Variants in CLSTN2 observed in about 807,000 individuals in gnomAD.
The protein encoded by CLSTN2 is calsyntenin 2.
Under a neutral mutation model 101.2 loss-of-function variants are expected in CLSTN2, and 48 were observed. The observed-to-expected ratio is 0.47, with a 90% CI of 0.38 to 0.60. The LOEUF (loss-of-function observed/expected upper bound fraction) is 0.60, where lower values mean the gene tolerates loss of function less well. Ranked by LOEUF, CLSTN2 falls within the 20% of genes least tolerant of loss-of-function variation. The pLI, the probability that CLSTN2 is intolerant of heterozygous loss-of-function variation, is 0.00. For synonymous variants in CLSTN2, 481 were observed against 463.6 expected (o/e 1.04, Z -0.48); for missense variants, 1,160 against 1,238.2 (o/e 0.94, Z 0.95).
rs1013964198 is a variant in CLSTN2, at chr3:140,575,500, C to T, written c.*9247C>T. ...AACTAGTCATGATGAATCAATCCAA[C>T]TGACTGCATCCAGTCTGACCTCGGT... On this transcript the variant is annotated 3_prime_UTR_variant, in exon 17 of 17. Transcript: ENST00000458420. The T allele has an allele frequency of 1.3e-5, 2 of 152,170 alleles. No homozygotes were observed. Among genetic ancestry groups the T allele is most frequent in the Non-Finnish European group, 2.9e-5 (2 of 68,030 alleles). 9.4% of individuals were successfully genotyped at this position (152,170 alleles called of 1,614,324 possible).
intron 2 of CLSTN2, among the ~76,000 whole-genome samples, chr3:140,322,848 A>G (rs2087296901): frequency 6.6e-6 from 1 of 152,202 alleles, no homozygotes; most frequent in African/African-American, 2.4e-5. Context: ...GCCATGTGAA[A>G]TCCTGTTTCT....
At chr3:140,393,693 A>G (rs1055662854) in intron 2 of CLSTN2, among the ~76,000 whole-genome samples, 1 of 152,176 alleles carries the variant, frequency 6.6e-6, no homozygotes, top group Non-Finnish European at 1.5e-5. Flanking sequence ...GGTAATGATC[A>G]TGGAGGGGTC....
intron 16 of CLSTN2, among the ~76,000 whole-genome samples, chr3:140,565,419 T>C (rs1936006956): frequency 6.6e-6 from 1 of 151,374 alleles, no homozygotes; most frequent in African/African-American, 2.4e-5. Context: ...AATCCAGAAA[T>C]GAAATTTTGC....
intron 1 of CLSTN2, among the ~76,000 whole-genome samples, chr3:139,987,926 G>GAC (rs1936054755): frequency 6.6e-6 from 1 of 152,202 alleles, no homozygotes; most frequent in Non-Finnish European, 1.5e-5. Flanking sequence ...ACAGTGACGA[G>GAC]ACAAGACAAG....
intron 2 of CLSTN2, among the ~76,000 whole-genome samples, chr3:140,205,080 C>T (rs2010763721): frequency 6.6e-6 from 1 of 152,090 alleles, no homozygotes; most frequent in African/African-American, 2.4e-5. Context: ...TAAGTTACGG[C>T]CCTTGTTCCA....
At chr3:140,053,630 C>G (rs1022056935) in intron 1 of CLSTN2, among the ~76,000 whole-genome samples, 3 of 152,214 alleles carry the variant, frequency 2.0e-5, no homozygotes, top group African/African-American at 4.8e-5. Flanking sequence ...ACTGTCTGCT[C>G]TCTGTCTTCC....
chr3:140,136,163 C>T (rs2009613231), intron 1 of CLSTN2, among the ~76,000 whole-genome samples: 2 of 152,080 alleles, frequency 1.3e-5, no homozygotes, highest in African/African-American at 2.4e-5. Context: ...TATCTATCAC[C>T]CTTGGTCATT....
chr3:140,186,071 G>C (rs2010481374), intron 2 of CLSTN2, among the ~76,000 whole-genome samples: 1 of 152,134 alleles, frequency 6.6e-6, no homozygotes, highest in Non-Finnish European at 1.5e-5. Flanking sequence ...CTGAAGAAGA[G>C]TGAAAGACCC....
intron 2 of CLSTN2, among the ~76,000 whole-genome samples, chr3:140,371,132 G>C (rs2087851453): frequency 1.3e-5 from 2 of 152,120 alleles, no homozygotes; most frequent in South Asian, 4.1e-4. Context: ...AATTCCCCTG[G>C]TACTGAAGCT....
At chr3:140,144,484 T>C (rs772452295) in intron 1 of CLSTN2, among the ~76,000 whole-genome samples, 3 of 152,006 alleles carry the variant, frequency 2.0e-5, no homozygotes, top group Non-Finnish European at 4.4e-5. Context: ...GGCATGGTGG[T>C]GGGTGCCTAT....
chr3:140,329,873 T>C (rs1248905852), intron 2 of CLSTN2, among the ~76,000 whole-genome samples: 1 of 152,232 alleles, frequency 6.6e-6, no homozygotes, highest in East Asian at 1.9e-4. Context: ...AGTTAAGTAA[T>C]TCAATGTTAC....
intron 2 of CLSTN2, among the ~76,000 whole-genome samples, chr3:140,248,561 G>A (rs990590816): frequency 3.3e-5 from 5 of 152,152 alleles, no homozygotes; most frequent in South Asian, 2.1e-4. Flanking sequence ...GAAGACAATC[G>A]TTGGCAGTTG....
intron 8 of CLSTN2, among the ~76,000 whole-genome samples, chr3:140,474,296 A>T (rs895525221): frequency 6.6e-6 from 1 of 152,024 alleles, no homozygotes; most frequent in Non-Finnish European, 1.5e-5. Context: ...TCTCTACCAC[A>T]GGTCTCCACA....
chr3:140,385,305 C>T (rs2088037582), intron 2 of CLSTN2, among the ~76,000 whole-genome samples: 2 of 149,290 alleles, frequency 1.3e-5, no homozygotes, highest in African/African-American at 2.5e-5. Flanking sequence ...CTCATGATGG[C>T]TCAAAAGATT....
At chr3:140,350,333 A>G (rs1052605435) in intron 2 of CLSTN2, among the ~76,000 whole-genome samples, 10 of 152,258 alleles carry the variant, frequency 6.6e-5, no homozygotes, top group African/African-American at 1.9e-4. Context: ...TGCAGATATT[A>G]TGTGGAAACT....
chr3:140,565,456 G>A (rs1273182501), intron 16 of CLSTN2, among the ~76,000 whole-genome samples: 1 of 152,066 alleles, frequency 6.6e-6, no homozygotes, highest in East Asian at 1.9e-4. Context: ...CTGGAGGGAG[G>A]GGGAATTGGA....
At chr3:139,999,545 T>C (rs1319956399) in intron 1 of CLSTN2, among the ~76,000 whole-genome samples, 1 of 152,088 alleles carries the variant, frequency 6.6e-6, no homozygotes, top group African/African-American at 2.4e-5. Flanking sequence ...CTGTGGGTTA[T>C]CTGCTTGGTC....
chr3:140,541,972 G>A (rs1474255747), intron 9 of CLSTN2, among the ~76,000 whole-genome samples: 1 of 152,078 alleles, frequency 6.6e-6, no homozygotes, highest in Non-Finnish European at 1.5e-5. Context: ...TAGAAGCCAG[G>A]GTGTATTTAG....
At chr3:139,959,987 C>T (rs1008274447) in intron 1 of CLSTN2, among the ~76,000 whole-genome samples, 2 of 152,294 alleles carry the variant, frequency 1.3e-5, no homozygotes, top group African/African-American at 2.4e-5. Context: ...ATTCTAAAAT[C>T]CAGACTAGAA....
Sources: allele counts gnomAD v4.1 joint callset (sites outside exome capture counted in the v4.1 genomes callset), GRCh38; gene constraint gnomAD v4.1.1; transcripts MANE v1.5; gene names NCBI Gene and HGNC (gene_info 2026-07-23, HGNC 2026-07-21).